The following TENM2 variants were observed in gnomAD, a reference collection of about 807,000 sequenced individuals.
TENM2 encodes the protein teneurin transmembrane protein 2.
A neutral mutation model predicts 245.2 loss-of-function variants in TENM2; 52 were observed. The ratio of observed to expected loss-of-function variants is 0.21; its 90% CI spans 0.17 to 0.27. The LOEUF (loss-of-function observed/expected upper bound fraction) is 0.27. Among genes scored for constraint, TENM2 ranks in the 10% least tolerant of loss-of-function variants. The pLI is 1.00. For missense variants in TENM2, 3,046 were observed against 3,666.8 expected (o/e 0.83, Z 4.37); for synonymous variants, 1,363 against 1,438.9 (o/e 0.95, Z 1.19).
chr5:167,998,423 A>C (rs747019727), intron 5 of TENM2, among the ~76,000 whole-genome samples: 1 of 152,218 alleles, frequency 6.6e-6, no homozygotes, highest in Non-Finnish European at 1.5e-5. Flanking sequence ...ATCAAGGAAG[A>C]AAGATGCTTC....
At chr5:167,032,822 A>G in the TENM2 span, among the ~76,000 whole-genome samples, 1 of 152,046 alleles carries the variant, frequency 6.6e-6, no homozygotes, top group African/African-American at 2.4e-5. Flanking sequence ...AGCTATTTAC[A>G]TACCTTATTT....
chr5:167,226,540 G>A, the TENM2 span, among the ~76,000 whole-genome samples: 2 of 151,952 alleles, frequency 1.3e-5, no homozygotes, highest in African/African-American at 4.8e-5. Context: ...TAAAAAACTT[G>A]TCAAAGCTTG....
chr5:167,492,795 G>C (rs1009569307), intron 2 of TENM2, among the ~76,000 whole-genome samples: 1 of 152,004 alleles, frequency 6.6e-6, no homozygotes, highest in Non-Finnish European at 1.5e-5. Context: ...GCCATGATAG[G>C]GAATAGAAAT....
chr5:167,151,939 A>T, the TENM2 span, among the ~76,000 whole-genome samples: 8 of 152,228 alleles, frequency 5.3e-5, no homozygotes, highest in African/African-American at 1.9e-4. Context: ...GAAAGGAAAG[A>T]CACCATATCC....
chr5:167,196,221 A>G, the TENM2 span, among the ~76,000 whole-genome samples: 1 of 152,042 alleles, frequency 6.6e-6, no homozygotes, highest in Non-Finnish European at 1.5e-5. Context: ...ACATATAAAC[A>G]TAGACAAAGT....
At chr5:168,248,750 C>G (rs1345846933) in intron 27 of TENM2, among the ~76,000 whole-genome samples, 1 of 152,232 alleles carries the variant, frequency 6.6e-6, no homozygotes, top group Non-Finnish European at 1.5e-5. Flanking sequence ...GTTGTTCAAT[C>G]TCTCTGAACT....
At chr5:168,088,911 T>C (rs1024641952) in intron 7 of TENM2, among the ~76,000 whole-genome samples, 1 of 151,960 alleles carries the variant, frequency 6.6e-6, no homozygotes, top group African/African-American at 2.4e-5. Context: ...GTAAAAGGGG[T>C]TATAGTTGAT....
intron 2 of TENM2, among the ~76,000 whole-genome samples, chr5:167,415,674 A>G (rs1763129569): frequency 1.3e-5 from 2 of 152,098 alleles, no homozygotes; most frequent in African/African-American, 4.8e-5. Context: ...TTGAAGCAAA[A>G]AAAAAAGTAC....
chr5:167,144,575 C>T, the TENM2 span, among the ~76,000 whole-genome samples: 2 of 152,154 alleles, frequency 1.3e-5, no homozygotes, highest in Non-Finnish European at 2.9e-5. Flanking sequence ...ACACTTGACA[C>T]TCCCAAGAGG....
intron 2 of TENM2, among the ~76,000 whole-genome samples, chr5:167,760,158 A>G (rs78224807): frequency 6.6e-6 from 1 of 152,084 alleles, no homozygotes; most frequent in African/African-American, 2.4e-5. Context: ...CGCATGGTAC[A>G]TTTTATCCTC....
chr5:167,129,771 AT>A, the TENM2 span, among the ~76,000 whole-genome samples: 1 of 152,174 alleles, frequency 6.6e-6, no homozygotes, highest in Non-Finnish European at 1.5e-5. Flanking sequence ...TCTGGCTGTG[AT>A]TTTTTTCCCT....
chr5:167,243,166 G>A, the TENM2 span, among the ~76,000 whole-genome samples: 1 of 152,156 alleles, frequency 6.6e-6, no homozygotes, highest in Non-Finnish European at 1.5e-5. Context: ...TCAGATGAAA[G>A]TAAGGAGGGG....
chr5:167,573,020 A>G (rs1206665035), intron 2 of TENM2, among the ~76,000 whole-genome samples: 2 of 152,068 alleles, frequency 1.3e-5, no homozygotes, highest in Non-Finnish European at 2.9e-5. Flanking sequence ...CACCGTTTAA[A>G]CTTGAACTAG....
chr5:167,156,658 G>C, the TENM2 span, among the ~76,000 whole-genome samples: 1 of 152,122 alleles, frequency 6.6e-6, no homozygotes. Flanking sequence ...AGCATAGTAG[G>C]TACTGGCATG....
rs374631181 is a variant in TENM2, at chr5:167,719,282, C to T, written c.503-156704C>T. ...TTGGCCTACATACTTGTGAAGACTC[C>T]GCGGGACCAAGTCCTGTTCTTCTGT... On this transcript the variant is annotated intron_variant, in intron 2 of 28. Transcript: ENST00000518659. Among the ~76,000 whole-genome samples the T allele has an allele frequency of 5.9e-5, 9 of 152,238 alleles. No individual in the cohort carries two copies. The South Asian group carries it at 8.3e-4, about 14-fold the overall frequency.
chr5:167,445,387 G>C (rs1054107206), intron 2 of TENM2, among the ~76,000 whole-genome samples: 1 of 97,442 alleles, frequency 1.0e-5, no homozygotes, highest in Non-Finnish European at 2.0e-5. Context: ...GTGTTGTCTT[G>C]TTGTTGGGCA....
At chr5:168,235,936 A>G (rs1052344857) in intron 25 of TENM2, among the ~76,000 whole-genome samples, 9 of 152,212 alleles carry the variant, frequency 5.9e-5, no homozygotes, top group Non-Finnish European at 8.8e-5. Context: ...AATGAAGAGT[A>G]GGTAGGAATT....
chr5:168,159,116 C>T (rs1057308146), intron 12 of TENM2, among the ~76,000 whole-genome samples: 6 of 151,036 alleles, frequency 4.0e-5, no homozygotes, highest in African/African-American at 1.5e-4. Flanking sequence ...TGCACTCCAG[C>T]CTGGGCAACA....
At chr5:167,860,015 T>G (rs1249821210) in intron 2 of TENM2, among the ~76,000 whole-genome samples, 8 of 25,244 alleles carry the variant, frequency 3.2e-4, no homozygotes, top group African/African-American at 6.7e-4. Flanking sequence ...GTGGGGGGGG[T>G]CGGCCCCCCT....
Sources: allele counts gnomAD v4.1 joint callset (sites outside exome capture counted in the v4.1 genomes callset), GRCh38; gene constraint gnomAD v4.1.1; transcripts MANE v1.5; gene names NCBI Gene and HGNC (gene_info 2026-07-23, HGNC 2026-07-21).